The following RGMA variants were observed in gnomAD, a reference collection of about 807,000 sequenced individuals.
RGMA encodes the protein repulsive guidance molecule BMP co-receptor a.
RGMA carries 10 observed loss-of-function variants against 23.2 expected under a neutral mutation model. The observed-to-expected ratio is 0.43, with a 90% CI of 0.27 to 0.73. The LOEUF is 0.73. Ranked by LOEUF, RGMA falls within the 30% of genes least tolerant of loss-of-function variation. The pLI is 0.20. For synonymous variants in RGMA, 308 were observed against 279.3 expected, an observed-to-expected ratio of 1.10 and a Z score of -1.03; for missense variants, 547 against 630.5, an observed-to-expected ratio of 0.87 and a Z score of 1.42.
At chr15:93,084,089 A>T (rs1895599811) in intron 1 of RGMA, among the ~76,000 whole-genome samples, 1 of 152,226 alleles carries the variant, frequency 6.6e-6, no homozygotes, top group South Asian at 2.1e-4. Flanking sequence ...AAACCCTGTA[A>T]CTTTTTACGA....
At chr15:93,088,551 G>A (rs1895680595) in intron 1 of RGMA, 3 of 1,017,966 alleles carry the variant, frequency 2.9e-6, no homozygotes, top group East Asian at 1.8e-4. Flanking sequence ...GCGGGCCAAT[G>A]GGGGTTCACG....
intron 1 of RGMA, among the ~76,000 whole-genome samples, chr15:93,084,715 T>G (rs1895610951): frequency 6.6e-6 from 1 of 152,166 alleles, no homozygotes; most frequent in African/African-American, 2.4e-5. Context: ...TCAAGTGATC[T>G]GCCCGCCTTG....
intron 2 of RGMA, among the ~76,000 whole-genome samples, chr15:93,059,449 C>T (rs891765244): frequency 3.7e-4 from 57 of 152,186 alleles, no homozygotes; most frequent in African/African-American, 1.3e-3. Context: ...TAAGAGTTTA[C>T]GAGGCTTCCT....
rs543188759 is a variant in RGMA, at chr15:93,072,888, C to T, written c.130+28G>A. 3.2e-6 allele frequency: 5 copies of T among 1,581,398 alleles called. No homozygotes were observed. The African/African-American group carries it at 4.0e-5, about 13-fold the overall frequency. On this transcript the variant is annotated intron_variant, in intron 2 of 3. Transcript: ENST00000329082. ...TTGAGGGGCGGCCCAGGGACCCGGC[C>T]CCGCGCGCCCGGCCGGCAGTGCCTT...
At chr15:93,073,583 C>T in intron 1 of RGMA, 1 of 1,534,964 alleles carries the variant, frequency 6.5e-7, no homozygotes. Context: ...AGACTGCCGA[C>T]CCCAAGCTTC....
rs376626860 is a variant in RGMA at position 93,044,993 on chromosome 15, C to T, written c.*5G>A. On this transcript the variant is annotated 3_prime_UTR_variant, in exon 4 of 4. Coordinates refer to ENST00000329082, the MANE Select transcript of RGMA (RefSeq NM_020211.3). ...GAGCCCGCGCCTCCCTCCACATCTACGCGTCTAGCAGAACACAGGGAGCAG... is the reference window on the plus strand; with the variant it reads ...GAGCCCGCGCCTCCCTCCACATCTATGCGTCTAGCAGAACACAGGGAGCAG... 9.9e-5 allele frequency: 158 copies of T among 1,593,502 alleles called. No individual in the cohort carries two copies. The highest frequency in any genetic ancestry group is 6.2e-4 in the Middle Eastern group (3 of 4,860).
chr15:93,072,895 GC>G lies in RGMA; in HGVS notation c.130+20del, dbSNP rs1184185313. 1.8e-5 allele frequency: 29 copies of G among 1,584,448 alleles called. No individual in the cohort carries two copies. The highest frequency in any genetic ancestry group is 2.4e-5 in the Non-Finnish European group (28 of 1,165,868). Reference sequence around the variant, plus strand: ...GCGGCCCAGGGACCCGGCCCCGCGCGCCCGGCCGGCAGTGCCTTACCTGCGG... The same window carrying G: ...GCGGCCCAGGGACCCGGCCCCGCGCGCCGGCCGGCAGTGCCTTACCTGCGG... On this transcript the variant is annotated intron_variant, in intron 2 of 3. Transcript: ENST00000329082.
intron 1 of RGMA, among the ~76,000 whole-genome samples, chr15:93,081,290 G>A (rs1442269640): frequency 6.6e-6 from 1 of 152,142 alleles, no homozygotes; most frequent in Non-Finnish European, 1.5e-5. Flanking sequence ...CCTGATTGTG[G>A]GGAGCCATTC....
chr15:93,073,576 C>A lies in RGMA; in HGVS notation c.15-545G>T, dbSNP rs142820926. ...ATCCCAGCCCTACTTTCCAACCAGA[C>A]TGCCGACCCCAAGCTTCCACCGACG... On this transcript the variant is annotated intron_variant, in intron 1 of 3. Transcript: ENST00000329082. 264 of 1,533,544 alleles carry A rather than the reference C, an allele frequency of 1.7e-4. No individual in the cohort carries two copies. The African/African-American group carries it at 3.2e-3, about 18-fold the overall frequency. 95.0% of individuals were successfully genotyped at this position (1,533,544 alleles called of 1,614,324 possible).
chr15:93,059,066 C>G (rs528580604), intron 2 of RGMA, among the ~76,000 whole-genome samples: 1 of 152,174 alleles, frequency 6.6e-6, no homozygotes, highest in Non-Finnish European at 1.5e-5. Flanking sequence ...CAGATGCAAA[C>G]ACGGAGGCTT....
chr15:93,082,487 G>T (rs918114853), intron 1 of RGMA, among the ~76,000 whole-genome samples: 2 of 152,208 alleles, frequency 1.3e-5, no homozygotes, highest in African/African-American at 2.4e-5. Flanking sequence ...GCCGTGCAGA[G>T]GCTCAAACCC....
chr15:93,081,114 A>G (rs1019620383), intron 1 of RGMA, among the ~76,000 whole-genome samples: 2 of 152,154 alleles, frequency 1.3e-5, no homozygotes, highest in Non-Finnish European at 2.9e-5. Context: ...GGGTGGTCCT[A>G]ACTCCAGCTG....
rs1253310719 is a variant in RGMA, at chr15:93,041,218, C to A, written c.*3780G>T. On this transcript the variant is annotated 3_prime_UTR_variant, in exon 4 of 4. Coordinates refer to ENST00000329082, the MANE Select transcript of RGMA (RefSeq NM_020211.3). ...ATTTCTCTCCTGTCCTATAGCCTTG[C>A]ACATTCTGGTTAGCTAAACAAGAAC... 6.6e-6 allele frequency: 1 copy of A among 151,786 alleles called. No individual in the cohort carries two copies. The highest frequency in any genetic ancestry group is 1.5e-5 in the Non-Finnish European group (1 of 68,008). 9.4% of individuals were successfully genotyped at this position (151,786 alleles called of 1,614,324 possible).
chr15:93,088,725 C>G, intron 1 of RGMA, 194 bp downstream of exon 1: 1 of 767,696 alleles, frequency 1.3e-6, no homozygotes, highest in East Asian at 3.4e-5. Context: ...GAACAAACAC[C>G]AAACCACAAA....
chr15:93,052,482 C>A lies in RGMA; in HGVS notation c.156G>T (p.Lys52Asn). 1 of 1,577,034 alleles carries A rather than the reference C, an allele frequency of 6.3e-7. No homozygotes were observed. The change falls in exon 3 of 4, where the codon AAG becomes AAT. Residue 52 changes from lysine to asparagine, a missense_variant. Lys to Asn is a moderately conservative substitution (Grantham distance 94). This residue lies in a region of RGMA where 214 missense variants were observed against 234.7 expected (regional missense o/e 0.91). Transcript: ENST00000329082. ...TGGCGCTCCAGAACTCAGAGTTGCA[C>A]TTGAGGATCTTGCACGGGGAGGTGG... is the stretch of plus-strand genomic sequence containing the variant. ...PAATSPCKIL[K>N]CNSEFWSATS...
chr15:93,061,895 G>A (rs981240511), intron 2 of RGMA, among the ~76,000 whole-genome samples: 3 of 152,166 alleles, frequency 2.0e-5, no homozygotes, highest in African/African-American at 7.2e-5. Flanking sequence ...CAGTGCACGA[G>A]GGGGTGTGAA....
intron 2 of RGMA, among the ~76,000 whole-genome samples, chr15:93,053,368 C>G (rs1230753538): frequency 2.0e-5 from 3 of 152,218 alleles, no homozygotes; most frequent in Middle Eastern, 3.2e-3. Context: ...GGCACACAGA[C>G]CTGCAGCAGG....
chr15:93,044,903 G>T lies in RGMA; in HGVS notation c.*95C>A. 1 of 1,055,798 alleles carries T rather than the reference G, an allele frequency of 9.5e-7. No homozygotes were observed. Among genetic ancestry groups the T allele is most frequent in the Non-Finnish European group, 1.4e-6 (1 of 735,158 alleles). 65.4% of individuals were successfully genotyped at this position (1,055,798 alleles called of 1,614,324 possible). A position where few individuals can be genotyped will look rare whatever the true frequency, so the allele number is the denominator to read the frequency against. On this transcript the variant is annotated 3_prime_UTR_variant, in exon 4 of 4. Transcript: ENST00000329082. ...CCTGGCGTTCTGCGGGGCCATGGTG[G>T]ACACGCCAGGAGATCTGCACCCCGT...
chr15:93,046,344 G>A (rs2054824155), intron 3 of RGMA, among the ~76,000 whole-genome samples: 1 of 152,158 alleles, frequency 6.6e-6, no homozygotes, highest in South Asian at 2.1e-4. Context: ...AGCTGGAAAT[G>A]GCAATGAATG....
Sources: allele counts gnomAD v4.1 joint callset (sites outside exome capture counted in the v4.1 genomes callset), GRCh38; gene constraint gnomAD v4.1.1; regional missense constraint gnomAD v4.1.1; transcripts MANE v1.5; gene names NCBI Gene and HGNC (gene_info 2026-07-23, HGNC 2026-07-21).